FAM217A: variants seen among roughly 807,000 people sequenced by gnomAD.
FAM217A encodes protein FAM217A.
Under a neutral mutation model 18.5 loss-of-function variants are expected in FAM217A, and 13 were observed. The ratio of observed to expected loss-of-function variants is 0.70; its 90% CI spans 0.46 to 1.12. The LOEUF is 1.12. FAM217A is among the 50% of genes most tolerant of loss of function. FAM217A has a pLI of 0.00. For synonymous variants in FAM217A, 161 were observed against 202.8 expected, an observed-to-expected ratio of 0.79 and a Z score of 1.75; for missense variants, 560 against 575.4, an observed-to-expected ratio of 0.97 and a Z score of 0.27.
At chr6:4,085,311 A>ATAT (rs1554147275) in intron 1 of FAM217A, among the ~76,000 whole-genome samples, 64 of 146,438 alleles carry the variant, frequency 4.4e-4, no homozygotes, top group African/African-American at 1.5e-3. Flanking sequence ...TGTAAAAAAA[A>ATAT]ATATATATAT....
At chr6:4,078,524 T>A (rs1392722473) in intron 1 of FAM217A, among the ~76,000 whole-genome samples, 1 of 152,218 alleles carries the variant, frequency 6.6e-6, no homozygotes, top group Non-Finnish European at 1.5e-5. Context: ...TAGGTCTGAA[T>A]GCAGGAGGAA....
chr6:4,079,497 G>A (rs1323916102), upstream of FAM217A: 9 of 538,880 alleles, frequency 1.7e-5, no homozygotes, highest in South Asian at 1.6e-4. Context: ...GGCCTTCCTG[G>A]GCCTCCTCGG....
upstream of FAM217A, among the ~76,000 whole-genome samples, chr6:4,080,468 C>T (rs1465637270): frequency 1.3e-5 from 2 of 152,200 alleles, no homozygotes; most frequent in Non-Finnish European, 2.9e-5. Flanking sequence ...GTGCTGGGCA[C>T]ATAGTAGAAG....
At chr6:4,074,144 A>C (rs1769609194) in intron 4 of FAM217A, among the ~76,000 whole-genome samples, 1 of 152,118 alleles carries the variant, frequency 6.6e-6, no homozygotes, top group Non-Finnish European at 1.5e-5. Context: ...GAGCCACTGC[A>C]CCCGGCCTGC....
rs764175611 is a variant in FAM217A at position 4,069,276 on chromosome 6, G to C, written c.947C>G (p.Ala316Gly). 1.9e-6 allele frequency: 3 copies of C among 1,614,164 alleles called. No individual in the cohort carries two copies. The South Asian group carries it at 3.3e-5, about 18-fold the overall frequency. Reference protein sequence around the residue: ...PRLQTTFCTPAVTERPSSSKA... With the variant: ...PRLQTTFCTPGVTERPSSSKA... ...GGAGGAAGAGGGTCGTTCAGTAACTGCTGGAGTACAGAAAGTCGTTTGTAG... is the reference window on the plus strand; with the variant it reads ...GGAGGAAGAGGGTCGTTCAGTAACTCCTGGAGTACAGAAAGTCGTTTGTAG... The change falls in exon 7 of 7, where the codon GCA becomes GGA. Residue 316 changes from alanine to glycine, a missense_variant. Physicochemically the swap from Ala to Gly is moderately conservative, Grantham distance 60. Coordinates refer to ENST00000274673, the MANE Select transcript of FAM217A (RefSeq NM_173563.3).
intron 6 of FAM217A, among the ~76,000 whole-genome samples, chr6:4,071,804 A>G (rs1288883826): frequency 6.6e-6 from 1 of 152,164 alleles, no homozygotes; most frequent in Admixed American, 6.5e-5. Flanking sequence ...ACTGTATCCC[A>G]GGCCTCACAG....
chr6:4,079,970 CT>C (rs769332164), upstream of FAM217A, among the ~76,000 whole-genome samples: 3,434 of 91,332 alleles, frequency 0.038, 65 homozygotes, highest in Non-Finnish European at 0.042. Context: ...GGGGAAGAAT[CT>C]CTCTCTATCT....
Position 4,079,137 on chromosome 6 carries a change from C to A in FAM217A, c.-320G>T, listed in dbSNP as rs966918491. 1 of 341,046 alleles carries A rather than the reference C, an allele frequency of 2.9e-6. No individual in the cohort carries two copies. The highest frequency in any genetic ancestry group is 5.3e-6 in the Non-Finnish European group (1 of 190,052). 21.1% of individuals were successfully genotyped at this position (341,046 alleles called of 1,614,324 possible). A position where few individuals can be genotyped will look rare whatever the true frequency, so the allele number is the denominator to read the frequency against. On this transcript the variant is annotated 5_prime_UTR_variant, in exon 1 of 7. Coordinates refer to ENST00000274673, the MANE Select transcript of FAM217A (RefSeq NM_173563.3). ...GCTGCGGCTCCGCGGGCTTCCCCAC[C>A]GGCCGGGTCTCCCGGCAACTACCAG...
At chr6:4,072,924 C>A (rs138685864) in intron 6 of FAM217A, among the ~76,000 whole-genome samples, 121 of 152,316 alleles carry the variant, frequency 7.9e-4, no homozygotes, top group Non-Finnish European at 1.5e-3. Flanking sequence ...CTTACATGGT[C>A]GGTTGTGATT....
chr6:4,079,588 T>C, upstream of FAM217A: 1 of 1,287,212 alleles, frequency 7.8e-7, no homozygotes, highest in South Asian at 1.2e-5. Context: ...CTCCGCGACA[T>C]GGCCAGTGGG....
intron 1 of FAM217A, among the ~76,000 whole-genome samples, chr6:4,086,198 G>A (rs759618717): frequency 1.2e-4 from 18 of 151,936 alleles, no homozygotes; most frequent in Non-Finnish European, 1.9e-4. Context: ...TGTAAACCCA[G>A]CACTTTGGGA....
chr6:4,085,119 C>G (rs1395427304), intron 1 of FAM217A, among the ~76,000 whole-genome samples: 1 of 152,028 alleles, frequency 6.6e-6, no homozygotes, highest in Non-Finnish European at 1.5e-5. Flanking sequence ...TTGTTCCATC[C>G]AAGAATATTA....
chr6:4,074,812 G>A (rs370950699), intron 2 of FAM217A, 151 bp from the exon 3 acceptor site: 19 of 597,824 alleles, frequency 3.2e-5, no homozygotes, highest in East Asian at 1.9e-4. Context: ...GCATCTTTGA[G>A]GAGAAAGCAA....
Position 4,069,930 on chromosome 6 carries a change from AT to A in FAM217A, c.303-11del. 9.9e-6 allele frequency: 15 copies of A among 1,512,282 alleles called. No homozygotes were observed. Among genetic ancestry groups the A allele is most frequent in the Non-Finnish European group, 1.3e-5 (14 of 1,114,094 alleles). The allele number at this position is 1,512,282 out of a possible 1,614,324, so 93.7% of individuals were successfully genotyped here. A position where few individuals can be genotyped will look rare whatever the true frequency, so the allele number is the denominator to read the frequency against. ...AGATTTTTTGAATTCCCTTTAAAAA[AT>A]AATTTAATTAATGAATGGTTTATTG... On this transcript the variant is annotated splice_polypyrimidine_tract_variant and intron_variant, in intron 6 of 6. Coordinates refer to ENST00000274673, the MANE Select transcript of FAM217A (RefSeq NM_173563.3).
chr6:4,086,446 C>CAA (rs60309347), intron 1 of FAM217A, among the ~76,000 whole-genome samples: 2,019 of 75,734 alleles, frequency 0.027, 58 homozygotes, highest in African/African-American at 0.059. Context: ...AACTCTGTCT[C>CAA]AAAAAAAAAA....
intron 6 of FAM217A, among the ~76,000 whole-genome samples, chr6:4,072,041 A>T (rs1769447778): frequency 6.6e-6 from 1 of 152,216 alleles, no homozygotes; most frequent in Non-Finnish European, 1.5e-5. Context: ...GAATCAAAAA[A>T]ATAAGAATTA....
At chr6:4,085,327 T>TATAA (rs1333779215) in intron 1 of FAM217A, among the ~76,000 whole-genome samples, 2 of 148,592 alleles carry the variant, frequency 1.3e-5, no homozygotes, top group African/African-American at 4.9e-5. Flanking sequence ...TATATATATA[T>TATAA]AAAATATGTA....
At chr6:4,082,367 GT>G (rs1400723796), upstream of FAM217A, among the ~76,000 whole-genome samples, 1 of 152,134 alleles carries the variant, frequency 6.6e-6, no homozygotes, top group African/African-American at 2.4e-5. Flanking sequence ...TCAGAAACAC[GT>G]TTTTCTCTGA....
In FAM217A at chr6:4,074,608, G is replaced by A. The variant is rs776097087; in HGVS notation, c.114C>T (p.Asn38=). Residue 38 remains asparagine (N), a synonymous_variant, in exon 3 of 7, where the codon AAC becomes AAT. Transcript: ENST00000274673. ...DSEVPVSENK[N]LPAGRDGAAG... is the part of the protein sequence containing the mutation. ...CTGCTCCATCCCTTCCAGCTGGGAG[G>A]TTTTTATTTTCAGAAACAGGTACTT... is the stretch of plus-strand genomic sequence containing the variant. The A allele has an allele frequency of 1.9e-5, 30 of 1,613,540 alleles. No homozygotes were observed. Among genetic ancestry groups the A allele is most frequent in the Non-Finnish European group, 2.3e-5 (27 of 1,179,718 alleles).
Sources: allele counts gnomAD v4.1 joint callset (sites outside exome capture counted in the v4.1 genomes callset), GRCh38; gene constraint gnomAD v4.1.1; transcripts MANE v1.5; gene names NCBI Gene and HGNC (gene_info 2026-07-23, HGNC 2026-07-21).